The following CDH19 variants were observed in gnomAD, a reference collection of about 807,000 sequenced individuals.
CDH19 encodes the protein cadherin-19.
CDH19 carries 67 observed loss-of-function variants against 64.2 expected under a neutral mutation model. The ratio of observed to expected loss-of-function variants is 1.04; its 90% CI spans 0.86 to 1.28. CDH19 has a LOEUF of 1.28. Ranked by LOEUF, CDH19 falls within the 50% of genes most tolerant of loss-of-function variation. The probability of loss-of-function intolerance (pLI) is 0.00; values close to 1 mark genes in which losing one functional copy is unlikely to be tolerated. For missense variants in CDH19, 1,030 were observed against 929.0 expected, an observed-to-expected ratio of 1.11 and a Z score of -1.41; for synonymous variants, 346 against 319.3, an observed-to-expected ratio of 1.08 and a Z score of -0.89.
chr18:66,564,245 T>G (rs1176188867), intron 3 of CDH19, among the ~76,000 whole-genome samples: 3 of 151,928 alleles, frequency 2.0e-5, no homozygotes, highest in African/African-American at 7.2e-5. Context: ...AAAATGCAAC[T>G]TAAAATATTG....
chr18:66,566,149 T>C (rs1987901213), intron 3 of CDH19, among the ~76,000 whole-genome samples: 2 of 151,952 alleles, frequency 1.3e-5, no homozygotes, highest in South Asian at 4.1e-4. Flanking sequence ...TTACCCATGC[T>C]CTCTCAATTA....
chr18:66,567,033 G>A (rs1987935803), intron 3 of CDH19, among the ~76,000 whole-genome samples: 1 of 151,574 alleles, frequency 6.6e-6, no homozygotes, highest in Non-Finnish European at 1.5e-5. Flanking sequence ...GTTTCCTCCA[G>A]ACAATTAATA....
At position 66,554,432 on chromosome 18, in the gene CDH19, G is replaced by A; in HGVS notation, c.583C>T (p.Pro195Ser). The change falls in exon 4 of 12, where the codon CCA (proline) becomes TCA (serine). Residue 195 changes from proline to serine, a missense_variant. Pro to Ser is a moderately conservative substitution (Grantham distance 74). Transcript: ENST00000262150. The part of the protein sequence containing the change: ...RLLYSLLQGQ[P>S]YFSVEPTTGV... Reference sequence around the variant, plus strand: ...GTTGTTGGTTCAACAGAAAAATATGGCTGGCCTTGAAGTAAGCTGTAGAGG... The same window carrying A: ...GTTGTTGGTTCAACAGAAAAATATGACTGGCCTTGAAGTAAGCTGTAGAGG... 1 of 1,611,534 alleles carries A rather than the reference G, an allele frequency of 6.2e-7. No homozygotes were observed. The highest frequency in any genetic ancestry group is 8.5e-7 in the Non-Finnish European group (1 of 1,178,382).
At position 66,504,971 on chromosome 18, in the gene CDH19, G is replaced by T; in HGVS notation, c.2160C>A (p.Thr720=). Residue 720 remains threonine (T), a synonymous_variant, in exon 12 of 12, where the codon ACC becomes ACA. Coordinates refer to ENST00000262150, the MANE Select transcript of CDH19 (RefSeq NM_021153.4). The part of the protein sequence containing the change: ...PCAPPFDSLQ[T]YAFEGTGSLA... The stretch of plus-strand genomic sequence containing the variant: ...ATGACCCTGTTCCCTCAAAAGCGTA[G>T]GTCTGGAGGGAATCAAAAGGAGGGG... The T allele has an allele frequency of 6.2e-7, 1 of 1,613,496 alleles. No individual in the cohort carries two copies.
chr18:66,506,024 A>G (rs542895750), intron 11 of CDH19, among the ~76,000 whole-genome samples: 2 of 152,044 alleles, frequency 1.3e-5, no homozygotes, highest in Non-Finnish European at 2.9e-5. Context: ...ACAGCAACAT[A>G]GATGAACCTG....
intron 9 of CDH19, among the ~76,000 whole-genome samples, chr18:66,524,526 G>A (rs569497693): frequency 4.8e-4 from 62 of 128,066 alleles, no homozygotes; most frequent in African/African-American, 1.8e-3. Context: ...CACAATATAT[G>A]CGTGTATGTT....
intron 3 of CDH19, among the ~76,000 whole-genome samples, chr18:66,567,375 G>A (rs1258247756): frequency 6.6e-6 from 1 of 151,460 alleles, no homozygotes; most frequent in African/African-American, 2.4e-5. Context: ...GAGGAGGAGA[G>A]GGAGGGATGA....
intron 4 of CDH19, among the ~76,000 whole-genome samples, chr18:66,551,719 G>T (rs1987350873): frequency 6.6e-6 from 1 of 151,936 alleles, no homozygotes; most frequent in Admixed American, 6.6e-5. Context: ...ATCTGAAGAA[G>T]ACCTGGTTGT....
At chr18:66,520,035 A>G (rs975722558) in intron 9 of CDH19, among the ~76,000 whole-genome samples, 7 of 152,044 alleles carry the variant, frequency 4.6e-5, no homozygotes, top group African/African-American at 1.7e-4. Flanking sequence ...ACTATAAAAA[A>G]TTAGCCGGGT....
chr18:66,536,734 A>G lies in CDH19; in HGVS notation c.1215-1627T>C, dbSNP rs575160316. ...ATTTTTCTTAACCCCTTTTAGAACC[A>G]CAAATTCTCGTTATGTAAGTTTTCT... On this transcript the variant is annotated intron_variant, in intron 7 of 11. Coordinates refer to ENST00000262150, the MANE Select transcript of CDH19 (RefSeq NM_021153.4). Among the ~76,000 whole-genome samples the G allele has an allele frequency of 2.6e-5, 4 of 151,916 alleles. No individual in the cohort carries two copies. The South Asian group carries it at 8.3e-4, about 31-fold the overall frequency.
intron 7 of CDH19, among the ~76,000 whole-genome samples, chr18:66,543,768 A>G (rs1986987672): frequency 6.6e-6 from 1 of 152,068 alleles, no homozygotes; most frequent in Non-Finnish European, 1.5e-5. Flanking sequence ...CTATAGTCCC[A>G]GCTACTAGGG....
Position 66,503,936 on chromosome 18 carries a change from T to TA in CDH19, c.*875dup, listed in dbSNP as rs1196052410. 2 of 151,992 alleles carry TA rather than the reference T, an allele frequency of 1.3e-5. No individual in the cohort carries two copies. Among genetic ancestry groups the TA allele is most frequent in the African/African-American group, 2.4e-5 (1 of 41,454 alleles). The allele number at this position is 151,992 out of a possible 1,614,324, so 9.4% of individuals were successfully genotyped here. On this transcript the variant is annotated 3_prime_UTR_variant, in exon 12 of 12. Transcript: ENST00000262150. ...TAATCACCCACATTATCCTAGGTGT[T>TA]AAAGTTTTAAAGTTTATCTCTATAT...
intron 1 of CDH19, among the ~76,000 whole-genome samples, chr18:66,582,430 C>A (rs1988449676): frequency 6.6e-6 from 1 of 151,876 alleles, no homozygotes; most frequent in South Asian, 2.1e-4. Context: ...TTTCTCAGAA[C>A]CACTAGTATG....
chr18:66,599,213 T>C (rs1215754341), intron 1 of CDH19, among the ~76,000 whole-genome samples: 1 of 152,136 alleles, frequency 6.6e-6, no homozygotes, highest in Admixed American at 6.5e-5. Context: ...GTTAGCACAA[T>C]GTTTAATGCT....
At chr18:66,566,066 C>G (rs1162305673) in intron 3 of CDH19, among the ~76,000 whole-genome samples, 1 of 151,908 alleles carries the variant, frequency 6.6e-6, no homozygotes, top group East Asian at 1.9e-4. Context: ...TACCATGATA[C>G]CAATAATTCT....
intron 1 of CDH19, among the ~76,000 whole-genome samples, chr18:66,585,209 C>A (rs1263685356): frequency 6.6e-6 from 1 of 151,922 alleles, no homozygotes; most frequent in Non-Finnish European, 1.5e-5. Flanking sequence ...AAGTTGTAGA[C>A]AAATGCAGGG....
intron 9 of CDH19, among the ~76,000 whole-genome samples, chr18:66,529,359 C>A (rs2144412715): frequency 6.6e-6 from 1 of 150,678 alleles, no homozygotes; most frequent in African/African-American, 2.4e-5. Context: ...TGTGACTAAC[C>A]TATAGAATTA....
chr18:66,531,933 G>A (rs1017621521), intron 8 of CDH19, among the ~76,000 whole-genome samples: 2 of 152,088 alleles, frequency 1.3e-5, no homozygotes, highest in African/African-American at 4.8e-5. Flanking sequence ...AACCAGACAT[G>A]TATTTTGTGA....
At chr18:66,580,621 C>T (rs1173572452) in intron 1 of CDH19, among the ~76,000 whole-genome samples, 1 of 152,084 alleles carries the variant, frequency 6.6e-6, no homozygotes, top group African/African-American at 2.4e-5. Flanking sequence ...CAAACAACAA[C>T]ACTCATGACA....
Sources: allele counts gnomAD v4.1 joint callset (sites outside exome capture counted in the v4.1 genomes callset), GRCh38; gene constraint gnomAD v4.1.1; transcripts MANE v1.5; gene names NCBI Gene and HGNC (gene_info 2026-07-23, HGNC 2026-07-21).